The following RESF1 variants were observed in gnomAD, a reference collection of about 807,000 sequenced individuals.
The protein encoded by RESF1 is gonad expressed transcript.
Under a neutral mutation model 134.7 loss-of-function variants are expected in RESF1, and 65 were observed. The observed-to-expected ratio is 0.48, with a 90% CI of 0.40 to 0.59. The LOEUF (loss-of-function observed/expected upper bound fraction) is 0.59. Ranked by LOEUF, RESF1 falls within the 20% of genes least tolerant of loss-of-function variation. RESF1 has a pLI of 0.00. For missense variants in RESF1, 2,274 were observed against 2,002.7 expected, an observed-to-expected ratio of 1.14 and a Z score of -2.59; for synonymous variants, 762 against 702.2, an observed-to-expected ratio of 1.09 and a Z score of -1.35.
At chr12:31,974,077 C>T (rs1436589310) in intron 3 of RESF1, among the ~76,000 whole-genome samples, 1 of 151,858 alleles carries the variant, frequency 6.6e-6, no homozygotes, top group Non-Finnish European at 1.5e-5. Context: ...AAATAGTTTA[C>T]TTATTATAAA....
At chr12:31,971,011 T>TC (rs1939493947) in intron 3 of RESF1, among the ~76,000 whole-genome samples, 1 of 152,216 alleles carries the variant, frequency 6.6e-6, no homozygotes, top group Admixed American at 6.5e-5. Flanking sequence ...TCAAGAACCT[T>TC]CGTTTTAGAC....
In RESF1 at chr12:31,970,209, C is replaced by T. The variant is rs1592252553; in HGVS notation, c.-226C>T. The T allele has an allele frequency of 6.6e-6, 1 of 152,150 alleles. No homozygotes were observed. The highest frequency in any genetic ancestry group is 1.5e-5 in the Non-Finnish European group (1 of 68,020). 9.4% of individuals were successfully genotyped at this position (152,150 alleles called of 1,614,324 possible). On this transcript the variant is annotated 5_prime_UTR_variant, in exon 3 of 6. Coordinates refer to ENST00000312561, the MANE Select transcript of RESF1 (RefSeq NM_018169.4). The stretch of plus-strand genomic sequence containing the variant: ...TGCAGCTGTTTACTTCTAATTATTT[C>T]CTGATTCACAAATTAATTTTTGCAA...
chr12:31,961,656 C>T (rs1476938639), intron 2 of RESF1, among the ~76,000 whole-genome samples: 2 of 152,110 alleles, frequency 1.3e-5, no homozygotes, highest in South Asian at 2.1e-4. Context: ...TTGATTAAAC[C>T]CATCACTGTA....
intron 5 of RESF1, among the ~76,000 whole-genome samples, chr12:31,989,609 T>C (rs1940054172): frequency 1.3e-5 from 2 of 152,096 alleles, no homozygotes; most frequent in Admixed American, 6.6e-5. Flanking sequence ...ACCAGCACTT[T>C]GGGAGGCCGA....
At position 31,983,486 on chromosome 12, in the gene RESF1, C is replaced by G. The variant is rs757747299; in HGVS notation, c.2531C>G (p.Thr844Ser). The change falls in exon 4 of 6, where the codon ACT becomes AGT. Residue 844 changes from threonine (T) to serine (S), a missense_variant. Coordinates refer to ENST00000312561, the MANE Select transcript of RESF1 (RefSeq NM_018169.4). ...LTQKEKQNES[T>S]NGNSEVTPNV... ...CAGAAGGAAAAGCAGAATGAGTCAA[C>G]TAATGGTAATTCAGAAGTCACACCT... 1 of 1,614,028 alleles carries G rather than the reference C, an allele frequency of 6.2e-7. No individual in the cohort carries two copies. Among genetic ancestry groups the G allele is most frequent in the Non-Finnish European group, 8.5e-7 (1 of 1,180,016 alleles).
rs745675903 is a variant in RESF1, at chr12:31,985,250, A to T, written c.4295A>T (p.Asp1432Val). The change falls in exon 4 of 6, where the codon GAC (aspartate) becomes GTC (valine). Residue 1432 changes from aspartate to valine, a missense_variant. Transcript: ENST00000312561. ...ATGGTATCAAATACTAAGTCTGTAG[A>T]CACGAAAGCGAGTTCATCTAAATTT... Reference protein sequence around the residue: ...EKMVSNTKSVDTKASSSKFSR... With the variant: ...EKMVSNTKSVVTKASSSKFSR... The T allele has an allele frequency of 6.2e-7, 1 of 1,609,682 alleles. No individual in the cohort carries two copies. Among genetic ancestry groups the T allele is most frequent in the African/African-American group, 1.3e-5 (1 of 74,652 alleles).
chr12:31,977,001 C>G (rs1480450212), intron 3 of RESF1, among the ~76,000 whole-genome samples: 2 of 152,254 alleles, frequency 1.3e-5, no homozygotes, highest in South Asian at 2.1e-4. Flanking sequence ...GATATGATCT[C>G]TTTGCTATGT....
rs764527249 is a variant in RESF1 at position 31,984,549 on chromosome 12, A to G, written c.3594A>G (p.Ser1198=). The G allele has an allele frequency of 1.3e-6, 2 of 1,588,322 alleles. No homozygotes were observed. Among genetic ancestry groups the G allele is most frequent in the Non-Finnish European group, 8.6e-7 (1 of 1,168,850 alleles). The change falls in exon 4 of 6, where the codon TCA becomes TCG. Residue 1198 remains serine, a synonymous_variant. Coordinates refer to ENST00000312561, the MANE Select transcript of RESF1 (RefSeq NM_018169.4). ...CQCNSIKNSS[S]EEEKQKEQCS... is the part of the protein sequence containing the mutation. Reference sequence around the variant, plus strand: ...GTAATTCCATCAAGAACTCATCTTCAGAGGAAGAGAAACAAAAAGAGCAGT... The same window carrying G: ...GTAATTCCATCAAGAACTCATCTTCGGAGGAAGAGAAACAAAAAGAGCAGT...
intron 3 of RESF1, among the ~76,000 whole-genome samples, chr12:31,972,333 G>T (rs11051711): frequency 6.1e-4 from 93 of 151,926 alleles, no homozygotes; most frequent in Non-Finnish European, 1.2e-3. Flanking sequence ...TCGGCTGGGC[G>T]CAGTGGCTCA....
chr12:31,969,140 G>T (rs1939457646), intron 2 of RESF1, among the ~76,000 whole-genome samples: 1 of 152,036 alleles, frequency 6.6e-6, no homozygotes, highest in Non-Finnish European at 1.5e-5. Flanking sequence ...TTTTTGTAGA[G>T]ACTGGGTCTT....
Position 31,981,167 on chromosome 12 carries a change from A to C in RESF1, c.212A>C (p.Gln71Pro), listed in dbSNP as rs1485029320. Residue 71 changes from glutamine to proline, a missense_variant, in exon 4 of 6, where the codon CAA becomes CCA. Coordinates refer to ENST00000312561, the MANE Select transcript of RESF1 (RefSeq NM_018169.4). ...QPLLNIQNYPQQISVSDMHNG... is the reference protein window; with the variant it reads ...QPLLNIQNYPPQISVSDMHNG... ...CTGCTGAATATCCAAAATTATCCTC[A>C]ACAAATTTCTGTTTCTGATATGCAT... 1 of 1,614,094 alleles carries C rather than the reference A, an allele frequency of 6.2e-7. No homozygotes were observed. Among genetic ancestry groups the C allele is most frequent in the South Asian group, 1.1e-5 (1 of 91,072 alleles).
At chr12:31,964,531 G>C (rs186633581) in intron 2 of RESF1, among the ~76,000 whole-genome samples, 1 of 152,242 alleles carries the variant, frequency 6.6e-6, no homozygotes, top group Admixed American at 6.5e-5. Flanking sequence ...GCGGTTTACC[G>C]TTGATGGGCA....
At chr12:31,965,724 C>G (rs1939384362) in intron 2 of RESF1, among the ~76,000 whole-genome samples, 1 of 152,062 alleles carries the variant, frequency 6.6e-6, no homozygotes, top group Non-Finnish European at 1.5e-5. Flanking sequence ...AAAGCCATCT[C>G]TACTAAAAAT....
chr12:31,975,085 C>T (rs565340092), intron 3 of RESF1, among the ~76,000 whole-genome samples: 177 of 151,828 alleles, frequency 1.2e-3, no homozygotes, highest in African/African-American at 4.0e-3. Flanking sequence ...CCATCTTGGC[C>T]AACATGGTGA....
Position 31,980,916 on chromosome 12 carries a change from T to C in RESF1, c.-40T>C, listed in dbSNP as rs371504519. 4.2e-6 allele frequency: 6 copies of C among 1,435,742 alleles called. No individual in the cohort carries two copies. The African/African-American group carries it at 7.1e-5, about 17-fold the overall frequency. The allele number at this position is 1,435,742 out of a possible 1,614,324, so 88.9% of individuals were successfully genotyped here. On this transcript the variant is annotated 5_prime_UTR_variant, in exon 4 of 6. Coordinates refer to ENST00000312561, the MANE Select transcript of RESF1 (RefSeq NM_018169.4). ...AGACAACTGACTTGTAACTGACTTA[T>C]AACTGACTTGTAATACACTGCTACT...
intron 5 of RESF1, among the ~76,000 whole-genome samples, chr12:31,990,641 A>G (rs1940076098): frequency 6.6e-6 from 1 of 152,000 alleles, no homozygotes; most frequent in African/African-American, 2.4e-5. Context: ...GAGTTTCACC[A>G]TGTTGTCCAG....
rs766161670 is a variant in RESF1 at position 31,984,911 on chromosome 12, A to C, written c.3956A>C (p.Gln1319Pro). The part of the protein sequence containing the change: ...KMTASYEQAS[Q>P]ETRQKKHVTQ... ...ACAGCATCTTATGAACAAGCTTCTC[A>C]GGAAACCCGACAGAAGAAACATGTA... The change falls in exon 4 of 6, where the codon CAG becomes CCG. Residue 1319 changes from glutamine (Q) to proline (P), a missense_variant. Gln to Pro is a moderately conservative substitution (Grantham distance 76, BLOSUM62 -1). Coordinates refer to ENST00000312561, the MANE Select transcript of RESF1 (RefSeq NM_018169.4). 6.2e-7 allele frequency: 1 copy of C among 1,611,810 alleles called. No individual in the cohort carries two copies. Among genetic ancestry groups the C allele is most frequent in the East Asian group, 2.2e-5 (1 of 44,866 alleles).
At chr12:31,986,010 C>A in intron 4 of RESF1, 53 bp downstream of exon 4, 1 of 1,262,006 alleles carries the variant, frequency 7.9e-7, no homozygotes, top group Non-Finnish European at 1.0e-6. Context: ...AGTCGTAGGT[C>A]AATATTTGGG....
rs1428570919 is a variant in RESF1, at chr12:31,982,879, G to C, written c.1924G>C (p.Gly642Arg). The C allele has an allele frequency of 1.2e-6, 2 of 1,613,972 alleles. No individual in the cohort carries two copies. The highest frequency in any genetic ancestry group is 2.7e-5 in the African/African-American group (2 of 74,916). Residue 642 changes from glycine to arginine, a missense_variant, in exon 4 of 6, where the codon GGC (glycine) becomes CGC (arginine). Coordinates refer to ENST00000312561, the MANE Select transcript of RESF1 (RefSeq NM_018169.4). Reference sequence around the variant, plus strand: ...AACTCCAAGTACTTCTAATGTAAGTGGCAGGGTTTTGGACAACTCCTTTTG... The same window carrying C: ...AACTCCAAGTACTTCTAATGTAAGTCGCAGGGTTTTGGACAACTCCTTTTG... ...METPSTSNVS[G>R]RVLDNSFCSG... is the part of the protein sequence containing the mutation.
Sources: gnomAD v4.1 joint callset for allele counts (sites outside exome capture counted in the v4.1 genomes callset) on GRCh38, gnomAD v4.1.1 for gene constraint, MANE v1.5 for transcripts, NCBI Gene and HGNC (gene_info 2026-07-23, HGNC 2026-07-21) for gene names.